The following RBFOX2 variants were observed in gnomAD, a reference collection of about 807,000 sequenced individuals.
The protein encoded by RBFOX2 is RNA binding protein fox-1 homolog 2.
Under a neutral mutation model 49.1 loss-of-function variants are expected in RBFOX2, and 10 were observed. The observed-to-expected ratio is 0.20, with a 90% CI of 0.13 to 0.35. The LOEUF (loss-of-function observed/expected upper bound fraction) is 0.35. Among genes scored for constraint, RBFOX2 ranks in the 10% least tolerant of loss-of-function variants. RBFOX2 has a pLI of 1.00. For missense variants in RBFOX2, 323 were observed against 486.9 expected (o/e 0.66, Z 3.17); for synonymous variants, 183 against 187.4 (o/e 0.98, Z 0.19).
intron 1 of RBFOX2, among the ~76,000 whole-genome samples, chr22:35,832,501 T>A (rs546725438): frequency 1.3e-5 from 2 of 152,160 alleles, no homozygotes; most frequent in East Asian, 3.9e-4. Flanking sequence ...AGGCAGGGGA[T>A]GGAGAGAGGT....
intron 11 of RBFOX2, among the ~76,000 whole-genome samples, chr22:35,745,165 C>A (rs1932055651): frequency 1.3e-5 from 2 of 152,196 alleles, no homozygotes; most frequent in African/African-American, 4.8e-5. Flanking sequence ...CCTTTTCAAA[C>A]AACTCTACCC....
intron 1 of RBFOX2, 36 bp downstream of exon 2, chr22:35,938,811 C>T: frequency 6.3e-7 from 1 of 1,583,574 alleles, no homozygotes; most frequent in Non-Finnish European, 8.7e-7. Flanking sequence ...ACACCACACA[C>T]ATACATCATC....
At chr22:35,975,852 A>G (rs544162929) in intron 1 of RBFOX2, among the ~76,000 whole-genome samples, 1 of 152,324 alleles carries the variant, frequency 6.6e-6, no homozygotes, top group African/African-American at 2.4e-5. Flanking sequence ...TTCTGCTGTC[A>G]TTCCAGACTT....
At chr22:36,027,749 G>A (rs552304773) in intron 1 of RBFOX2, among the ~76,000 whole-genome samples, 42 of 152,112 alleles carry the variant, frequency 2.8e-4, no homozygotes, top group Non-Finnish European at 2.2e-4. Flanking sequence ...TCCCCTCGGG[G>A]CTCTCTCGAG....
chr22:35,948,340 G>A (rs1330924385), intron 1 of RBFOX2, among the ~76,000 whole-genome samples: 1 of 151,886 alleles, frequency 6.6e-6, no homozygotes, highest in Non-Finnish European at 1.5e-5. Context: ...CTTTGTTCTT[G>A]CATTTTAAAA....
At chr22:35,795,395 T>C (rs1647290392) in intron 2 of RBFOX2, among the ~76,000 whole-genome samples, 2 of 152,008 alleles carry the variant, frequency 1.3e-5, no homozygotes, top group African/African-American at 4.8e-5. Context: ...CAACAATACA[T>C]AGTATGATAG....
chr22:35,950,228 T>C (rs1340490058), intron 1 of RBFOX2, among the ~76,000 whole-genome samples: 4 of 151,962 alleles, frequency 2.6e-5, no homozygotes, highest in South Asian at 2.1e-4. Context: ...ATTCCATCTA[T>C]ATACTGGTTA....
intron 11 of RBFOX2, among the ~76,000 whole-genome samples, chr22:35,744,647 T>C (rs1367285817): frequency 6.6e-6 from 1 of 152,226 alleles, no homozygotes; most frequent in Non-Finnish European, 1.5e-5. Context: ...CCTTCTCACA[T>C]ATGACCCATC....
At chr22:35,922,827 G>A (rs1490265558) in intron 1 of RBFOX2, among the ~76,000 whole-genome samples, 1 of 152,172 alleles carries the variant, frequency 6.6e-6, no homozygotes, top group African/African-American at 2.4e-5. Flanking sequence ...CTGCTTCCCT[G>A]CTACCGTGCC....
intron 1 of RBFOX2, among the ~76,000 whole-genome samples, chr22:36,009,479 T>A (rs2058733507): frequency 6.6e-6 from 1 of 151,928 alleles, no homozygotes; most frequent in Admixed American, 6.6e-5. Flanking sequence ...GCTCAAGAGG[T>A]CCTCCCACCT....
chr22:35,854,208 G>A (rs1176023987), intron 1 of RBFOX2, among the ~76,000 whole-genome samples: 1 of 149,722 alleles, frequency 6.7e-6, no homozygotes, highest in Non-Finnish European at 1.5e-5. Flanking sequence ...GCAAAACTCT[G>A]TCTCTAATAA....
chr22:36,018,396 G>C (rs993928279), intron 1 of RBFOX2, among the ~76,000 whole-genome samples: 4 of 152,140 alleles, frequency 2.6e-5, no homozygotes, highest in African/African-American at 9.7e-5. Context: ...CAGGAACTTT[G>C]GGTAGAAGGG....
At chr22:36,022,757 G>A (rs2059291739) in intron 1 of RBFOX2, among the ~76,000 whole-genome samples, 1 of 152,112 alleles carries the variant, frequency 6.6e-6, no homozygotes, top group Non-Finnish European at 1.5e-5. Context: ...TGATAAATGA[G>A]TGCCCTTATA....
chr22:35,837,708 G>C (rs1603376568), intron 1 of RBFOX2, among the ~76,000 whole-genome samples: 1 of 152,204 alleles, frequency 6.6e-6, no homozygotes, highest in East Asian at 1.9e-4. Context: ...TTCTATCCTT[G>C]CCAGTTGTAT....
At chr22:36,004,226 T>C (rs183448650) in intron 1 of RBFOX2, among the ~76,000 whole-genome samples, 2 of 152,306 alleles carry the variant, frequency 1.3e-5, no homozygotes, top group East Asian at 1.9e-4. Flanking sequence ...AACATTCAAG[T>C]TGACAACACT....
intron 1 of RBFOX2, among the ~76,000 whole-genome samples, chr22:35,845,853 G>A (rs906930181): frequency 6.6e-6 from 1 of 152,074 alleles, no homozygotes; most frequent in African/African-American, 2.4e-5. Flanking sequence ...CTATTATTAA[G>A]TTACAGGAAA....
Position 35,884,970 on chromosome 22 carries a change from T to C in RBFOX2, c.-34+53877A>G, listed in dbSNP as rs559496507. ...AGGCACTTGGGAATTTGTTTTCTTATCTCTTCCAATCCCAACTGCCTTTAA... is the reference window on the plus strand; with the variant it reads ...AGGCACTTGGGAATTTGTTTTCTTACCTCTTCCAATCCCAACTGCCTTTAA... On this transcript the variant is annotated intron_variant, in intron 1 of 13. Coordinates refer to the RBFOX2 transcript ENST00000359369. 9.9e-5 allele frequency among the ~76,000 whole-genome samples: 15 copies of C among 152,222 alleles called. No individual in the cohort carries two copies. The South Asian group carries it at 3.1e-3, about 32-fold the overall frequency.
chr22:35,820,954 T>TCCAAAGGCAGACTTGGCAGA (rs1356354454), intron 1 of RBFOX2, among the ~76,000 whole-genome samples: 1 of 151,822 alleles, frequency 6.6e-6, no homozygotes, highest in East Asian at 1.9e-4. Context: ...GCAATGACAA[T>TCCAAAGGCAGACTTGGCAGA]CCAAAGGCAG....
At position 35,746,821 on chromosome 22, in the gene RBFOX2, T is replaced by C. The variant is rs1932907654; in HGVS notation, c.888-260A>G. The C allele has an allele frequency of 8.6e-6, 3 of 349,708 alleles. No individual in the cohort carries two copies. The East Asian group carries it at 1.3e-4, about 15-fold the overall frequency. The allele number at this position is 349,708 out of a possible 1,614,324, so 21.7% of individuals were successfully genotyped here. ...ATTAAAAGTAAAGTTTGGTAGTACC[T>C]GTTAAATACAAGGAATGAAGATATG... On this transcript the variant is annotated intron_variant, in intron 9 of 11. Transcript: ENST00000405409.
Sources: gnomAD v4.1 joint callset for allele counts (sites outside exome capture counted in the v4.1 genomes callset) on GRCh38, gnomAD v4.1.1 for gene constraint, MANE v1.5 for transcripts, NCBI Gene and HGNC (gene_info 2026-07-23, HGNC 2026-07-21) for gene names.